RAB27A: variants seen among roughly 807,000 people sequenced by gnomAD.
RAB27A encodes the protein ras-related protein Rab-27A.
RAB27A carries 17 observed loss-of-function variants against 20.8 expected under a neutral mutation model. That is an observed-to-expected ratio of 0.82 (90% confidence interval 0.56 to 1.23). The LOEUF (loss-of-function observed/expected upper bound fraction) is 1.23, where lower values mean the gene tolerates loss of function less well. Among genes scored for constraint, RAB27A ranks in the 50% most tolerant of loss-of-function variants. The pLI is 0.00. For missense variants in RAB27A, 277 were observed against 266.7 expected (o/e 1.04, Z -0.27); for synonymous variants, 85 against 92.8 (o/e 0.92, Z 0.48).
At chr15:55,273,675 G>A (rs1897771928) in intron 1 of RAB27A, among the ~76,000 whole-genome samples, 1 of 152,058 alleles carries the variant, frequency 6.6e-6, no homozygotes, top group South Asian at 2.1e-4. Context: ...GTGACAAGGA[G>A]GTGAATTCAT....
chr15:55,304,825 G>C (rs2141144025), intron 2 of RAB27A, among the ~76,000 whole-genome samples: 2 of 149,214 alleles, frequency 1.3e-5, no homozygotes, highest in East Asian at 4.0e-4. Context: ...ACCAGCTTTA[G>C]TGTGAACATA....
Position 55,203,943 on chromosome 15 carries a change from A to C in RAB27A, c.*1564T>G, listed in dbSNP as rs183549683. On this transcript the variant is annotated 3_prime_UTR_variant, in exon 7 of 7. Transcript: ENST00000336787. Reference sequence around the variant, plus strand: ...ATACTTTTATTTTTCCTTTTTTAAAAATAAATTTAGGGGGTACAAGTACAG... The same window carrying C: ...ATACTTTTATTTTTCCTTTTTTAAACATAAATTTAGGGGGTACAAGTACAG... 3.3e-5 allele frequency: 5 copies of C among 152,134 alleles called. No homozygotes were observed. Among genetic ancestry groups the C allele is most frequent in the Non-Finnish European group, 7.3e-5 (5 of 68,034 alleles). The allele number at this position is 152,134 out of a possible 1,614,324, so 9.4% of individuals were successfully genotyped here.
chr15:55,265,340 G>A (rs1314048209), intron 2 of RAB27A, among the ~76,000 whole-genome samples: 1 of 152,014 alleles, frequency 6.6e-6, no homozygotes, highest in East Asian at 1.9e-4. Flanking sequence ...GGAGAAGAAG[G>A]AGCCCACAAT....
chr15:55,308,753 C>T (rs984957524), intron 2 of RAB27A, among the ~76,000 whole-genome samples: 15 of 152,310 alleles, frequency 9.8e-5, no homozygotes, highest in East Asian at 5.8e-4. Context: ...TTTAAGTAAA[C>T]GGTTGTCTGA....
At chr15:55,266,486 G>A (rs963858718) in intron 2 of RAB27A, among the ~76,000 whole-genome samples, 1 of 152,134 alleles carries the variant, frequency 6.6e-6, no homozygotes, top group Non-Finnish European at 1.5e-5. Context: ...TTAGGAGGTA[G>A]AAATCAATAT....
chr15:55,210,199 ACATACACACATGTATGTGTATG>A (rs1894943637), intron 6 of RAB27A, among the ~76,000 whole-genome samples: 1 of 134,316 alleles, frequency 7.4e-6, no homozygotes, highest in African/African-American at 3.3e-5. Flanking sequence ...ATGTGTGTAT[ACATACACACATGTATGTGTATG>A]TATATATACA....
intron 1 of RAB27A, chr15:55,317,732 C>A: frequency 2.5e-6 from 1 of 398,598 alleles, no homozygotes. Context: ...ATATATACTC[C>A]TCCAGCAATT....
At chr15:55,259,988 T>C (rs1897216976) in intron 2 of RAB27A, 2 of 152,234 alleles carry the variant, frequency 1.3e-5, no homozygotes, top group Admixed American at 1.3e-4. Context: ...GGATTCTTAT[T>C]GGAATTGCAT....
intron 6 of RAB27A, among the ~76,000 whole-genome samples, chr15:55,221,310 C>A (rs547278743): frequency 2.4e-4 from 36 of 152,152 alleles, no homozygotes; most frequent in Non-Finnish European, 4.7e-4. Flanking sequence ...TACTGACATA[C>A]TCTCAAAAGA....
In RAB27A at chr15:55,311,773, TGA is replaced by T. The variant is rs1566942255; in HGVS notation, c.-112+2264_-112+2265del. Among the ~76,000 whole-genome samples the T allele has an allele frequency of 2.0e-5, 3 of 152,294 alleles. No homozygotes were observed. The East Asian group carries it at 5.8e-4, about 29-fold the overall frequency. Reference sequence around the variant, plus strand: ...TATAAGTCGTTTATTTCTTAGCATGTGAGAGTCCAGTTGGTCCCAATTCTCCA... The same window carrying T: ...TATAAGTCGTTTATTTCTTAGCATGTGAGTCCAGTTGGTCCCAATTCTCCA... On this transcript the variant is annotated intron_variant, in intron 2 of 5. Transcript: ENST00000563262.
intron 2 of RAB27A, among the ~76,000 whole-genome samples, chr15:55,310,298 A>G (rs2055014754): frequency 6.6e-6 from 1 of 152,076 alleles, no homozygotes; most frequent in Non-Finnish European, 1.5e-5. Flanking sequence ...AGTGTCCAGG[A>G]GACAGTTAAC....
chr15:55,218,518 G>A lies in RAB27A; in HGVS notation c.467+5371C>T, dbSNP rs544050745. ...TCAAACTAGAGAAAACAGTGAGCAT[G>A]CTGTTGAATTAAGCTACTTGAAATC... On this transcript the variant is annotated intron_variant, in intron 6 of 6. Transcript: ENST00000336787. Among the ~76,000 whole-genome samples the A allele has an allele frequency of 2.6e-5, 4 of 152,314 alleles. No individual in the cohort carries two copies. In the East Asian group the frequency reaches 7.7e-4, roughly 29 times the overall value.
chr15:55,278,490 T>A (rs1166628495), intron 1 of RAB27A, among the ~76,000 whole-genome samples: 5 of 151,118 alleles, frequency 3.3e-5, no homozygotes, highest in African/African-American at 7.3e-5. Context: ...TTATTTTTTT[T>A]TTTTTTTTTT....
At chr15:55,241,624 A>ATATGTG (rs377301086) in intron 2 of RAB27A, among the ~76,000 whole-genome samples, 34 of 117,662 alleles carry the variant, frequency 2.9e-4, no homozygotes, top group Admixed American at 6.5e-4. Context: ...ATATATATAT[A>ATATGTG]TGTGTGTATA....
intron 2 of RAB27A, among the ~76,000 whole-genome samples, chr15:55,262,589 T>C (rs1241985607): frequency 6.7e-6 from 1 of 150,038 alleles, no homozygotes; most frequent in Admixed American, 6.6e-5. Context: ...AAAAAAACAG[T>C]GAATAGACAT....
chr15:55,317,877 A>G (rs2055064165), intron 1 of RAB27A: 1 of 392,808 alleles, frequency 2.5e-6, no homozygotes, highest in South Asian at 1.4e-4. Context: ...TCTGCATACA[A>G]AAATGGAAAG....
intron 6 of RAB27A, 26 bp from the exon 7 acceptor site, chr15:55,205,731 A>G (rs748665567): frequency 1.1e-5 from 17 of 1,574,394 alleles, no homozygotes; most frequent in Admixed American, 1.0e-4. Context: ...AACTGAGGTA[A>G]CAACATGTGG....
At position 55,274,794 on chromosome 15, in the gene RAB27A, TTATATA is replaced by T. The variant is rs371945954; in HGVS notation, c.-142-4516_-142-4511del. On this transcript the variant is annotated intron_variant, in intron 1 of 6. Coordinates refer to ENST00000336787, the MANE Select transcript of RAB27A (RefSeq NM_183235.3). Reference sequence around the variant, plus strand: ...ATCCGTCCTTAAAAAAATAAATAAATTATATATATATATATATATATATATATATAT... The same window carrying T: ...ATCCGTCCTTAAAAAAATAAATAAATTATATATATATATATATATATATAT... 8.2e-3 allele frequency among the ~76,000 whole-genome samples: 427 copies of T among 52,146 alleles called. 23 individuals are homozygous for T. The highest frequency in any genetic ancestry group is 0.021 in the South Asian group (34 of 1,636). 34.2% of individuals were successfully genotyped at this position (52,146 alleles called of 152,430 possible). A position where few individuals can be genotyped will look rare whatever the true frequency, so the allele number is the denominator to read the frequency against.
intron 2 of RAB27A, among the ~76,000 whole-genome samples, chr15:55,310,719 G>A (rs1457199092): frequency 6.6e-6 from 1 of 152,102 alleles, no homozygotes; most frequent in African/African-American, 2.4e-5. Flanking sequence ...AACCGAGGTT[G>A]CCAAGTTCAA....
Sources: gnomAD v4.1 joint callset for allele counts (sites outside exome capture counted in the v4.1 genomes callset) on GRCh38, gnomAD v4.1.1 for gene constraint, MANE v1.5 for transcripts, NCBI Gene and HGNC (gene_info 2026-07-23, HGNC 2026-07-21) for gene names.